Variants in MYMX observed in about 807,000 individuals in gnomAD.
The protein encoded by MYMX is protein myomixer.
chr6:44,200,400 T>A, the MYMX span, among the ~76,000 whole-genome samples: 1 of 152,040 alleles, frequency 6.6e-6, no homozygotes, highest in Non-Finnish European at 1.5e-5. Context: ...CTGCAACTTC[T>A]ACCTCCCGGG....
chr6:44,212,199 G>A (rs1315582581), upstream of MYMX, among the ~76,000 whole-genome samples: 1 of 151,812 alleles, frequency 6.6e-6, no homozygotes, highest in African/African-American at 2.4e-5. Flanking sequence ...TGAGCTCAGG[G>A]GTTCAAGACC....
the MYMX span, among the ~76,000 whole-genome samples, chr6:44,196,454 G>A: frequency 6.6e-6 from 1 of 152,038 alleles, no homozygotes; most frequent in Non-Finnish European, 1.5e-5. Context: ...TGAGGCTGGC[G>A]GATCACCTGA....
the MYMX span, among the ~76,000 whole-genome samples, chr6:44,198,119 A>G: frequency 1.3e-5 from 2 of 149,154 alleles, no homozygotes; most frequent in African/African-American, 2.5e-5. Flanking sequence ...GTAAGAATCT[A>G]TACAACACAT....
chr6:44,197,344 C>T, the MYMX span, among the ~76,000 whole-genome samples: 1 of 152,194 alleles, frequency 6.6e-6, no homozygotes, highest in Non-Finnish European at 1.5e-5. Flanking sequence ...ACCAGCCTGA[C>T]CAACATGGTG....
chr6:44,210,003 G>C, the MYMX span: 2 of 150,424 alleles, frequency 1.3e-5, no homozygotes, highest in Admixed American at 6.6e-5. Flanking sequence ...CTGGAGTGCA[G>C]TGGCGCGATC....
the MYMX span, among the ~76,000 whole-genome samples, chr6:44,203,078 C>T: frequency 6.6e-6 from 1 of 152,188 alleles, no homozygotes; most frequent in Non-Finnish European, 1.5e-5. Context: ...TGGGCCAGTG[C>T]TTGGTGGGGC....
the MYMX span, among the ~76,000 whole-genome samples, chr6:44,206,833 G>A: frequency 6.6e-6 from 1 of 152,168 alleles, no homozygotes; most frequent in Admixed American, 6.5e-5. Flanking sequence ...GGGTGCAAGT[G>A]TTGGCTTGCA....
chr6:44,204,664 T>TA, the MYMX span, among the ~76,000 whole-genome samples: 1 of 152,168 alleles, frequency 6.6e-6, no homozygotes, highest in African/African-American at 2.4e-5. Flanking sequence ...GTATCTTACA[T>TA]AGCAAGGCAC....
the MYMX span, among the ~76,000 whole-genome samples, chr6:44,197,251 G>A: frequency 6.6e-6 from 1 of 150,736 alleles, no homozygotes; most frequent in African/African-American, 2.4e-5. Context: ...CAAACAAACA[G>A]GCTGGGCACG....
the MYMX span, among the ~76,000 whole-genome samples, chr6:44,199,084 C>T: frequency 6.6e-6 from 1 of 152,174 alleles, no homozygotes; most frequent in African/African-American, 2.4e-5. Context: ...TATTCTGTTC[C>T]TTAGTCACTG....
the MYMX span, among the ~76,000 whole-genome samples, chr6:44,204,725 C>T: frequency 6.6e-6 from 1 of 152,128 alleles, no homozygotes; most frequent in Admixed American, 6.5e-5. Context: ...TCTCCATCAC[C>T]CCTAGAGGCC....
the MYMX span, among the ~76,000 whole-genome samples, chr6:44,204,154 T>TA: frequency 6.6e-6 from 1 of 152,166 alleles, no homozygotes; most frequent in South Asian, 2.1e-4. Context: ...TGGTGGAACT[T>TA]ACGTTTTAGT....
the MYMX span, among the ~76,000 whole-genome samples, chr6:44,203,152 G>T: frequency 6.6e-6 from 1 of 152,164 alleles, no homozygotes; most frequent in Non-Finnish European, 1.5e-5. Flanking sequence ...AGGGCCTGCC[G>T]TTCCTCCCCT....
At chr6:44,202,065 C>T in the MYMX span, among the ~76,000 whole-genome samples, 1 of 152,058 alleles carries the variant, frequency 6.6e-6, no homozygotes, top group Non-Finnish European at 1.5e-5. Context: ...TGGGTGGAGA[C>T]ATGCAGAAGG....
At chr6:44,214,711 T>C (rs965964337), upstream of MYMX, among the ~76,000 whole-genome samples, 4 of 152,324 alleles carry the variant, frequency 2.6e-5, no homozygotes, top group Admixed American at 2.6e-4. Flanking sequence ...TAGCTGGGAC[T>C]ATAGGCGCAT....
the MYMX span, among the ~76,000 whole-genome samples, chr6:44,207,363 T>C: frequency 6.6e-6 from 1 of 151,864 alleles, no homozygotes; most frequent in Non-Finnish European, 1.5e-5. Context: ...ATGGTCTCGA[T>C]CTCCTGACCT....
chr6:44,200,478 C>T, the MYMX span, among the ~76,000 whole-genome samples: 1 of 152,080 alleles, frequency 6.6e-6, no homozygotes, highest in African/African-American at 2.4e-5. Flanking sequence ...CCACACCTGG[C>T]TAATTTTTGC....
the MYMX span, among the ~76,000 whole-genome samples, chr6:44,206,636 C>T: frequency 2.6e-5 from 4 of 152,250 alleles, no homozygotes; most frequent in East Asian, 7.7e-4. Context: ...TGGTCTAGTA[C>T]TTGTTTCTGA....
At chr6:44,201,866 G>A in the MYMX span, among the ~76,000 whole-genome samples, 35 of 152,280 alleles carry the variant, frequency 2.3e-4, no homozygotes, top group Middle Eastern at 3.4e-3. Context: ...CTCAACTCCC[G>A]CTGTGCAATA....
Sources: gnomAD v4.1 joint callset for allele counts (sites outside exome capture counted in the v4.1 genomes callset) on GRCh38, gnomAD v4.1.1 for gene constraint, MANE v1.5 for transcripts, NCBI Gene and HGNC (gene_info 2026-07-23, HGNC 2026-07-21) for gene names.